Variants in PDE7B observed in about 807,000 individuals in gnomAD.
The protein encoded by PDE7B is 3',5'-cyclic-AMP phosphodiesterase 7B.
In PDE7B, 29 loss-of-function variants were observed where a neutral mutation model predicts 56.2. The ratio of observed to expected loss-of-function variants is 0.52; its 90% CI spans 0.38 to 0.70. PDE7B has a LOEUF of 0.70. Ranked by LOEUF, PDE7B falls within the 30% of genes least tolerant of loss-of-function variation. The probability of loss-of-function intolerance (pLI) is 0.00; values close to 1 mark genes in which losing one functional copy is unlikely to be tolerated. For synonymous variants in PDE7B, 197 were observed against 196.9 expected (o/e 1.00, Z 0.00); for missense variants, 490 against 565.0 (o/e 0.87, Z 1.35).
chr6:136,123,573 T>A (rs1347992959), intron 3 of PDE7B, among the ~76,000 whole-genome samples: 2 of 152,224 alleles, frequency 1.3e-5, no homozygotes, highest in Admixed American at 1.3e-4. Flanking sequence ...GTTGGTCAAA[T>A]GGTCTCTTCG....
At chr6:135,876,486 A>C (rs549397600) in intron 1 of PDE7B, among the ~76,000 whole-genome samples, 3 of 152,210 alleles carry the variant, frequency 2.0e-5, no homozygotes, top group Non-Finnish European at 4.4e-5. Flanking sequence ...GTGAAATTTC[A>C]GCCATGCTTT....
intron 2 of PDE7B, among the ~76,000 whole-genome samples, chr6:135,977,540 A>G (rs993189274): frequency 6.6e-6 from 1 of 152,190 alleles, no homozygotes; most frequent in Non-Finnish European, 1.5e-5. Context: ...AAGAGAAAGT[A>G]CAAGTGGAGT....
At chr6:136,160,476 C>G (rs574767778) in intron 8 of PDE7B, among the ~76,000 whole-genome samples, 1 of 152,240 alleles carries the variant, frequency 6.6e-6, no homozygotes, top group East Asian at 1.9e-4. Context: ...TCTGGCAAGT[C>G]ACTAAGAAAC....
At chr6:136,089,195 T>C (rs1232405428) in intron 2 of PDE7B, among the ~76,000 whole-genome samples, 3 of 152,176 alleles carry the variant, frequency 2.0e-5, no homozygotes, top group Non-Finnish European at 4.4e-5. Context: ...GAGCCTCTTC[T>C]AGACAAAAGG....
At chr6:135,954,094 G>T (rs1357177368) in intron 2 of PDE7B, among the ~76,000 whole-genome samples, 2 of 152,132 alleles carry the variant, frequency 1.3e-5, no homozygotes, top group African/African-American at 4.8e-5. Flanking sequence ...CTCACCCAAG[G>T]CCCTGTCTTG....
intron 8 of PDE7B, among the ~76,000 whole-genome samples, chr6:136,160,368 A>C (rs905698604): frequency 1.3e-5 from 2 of 152,072 alleles, no homozygotes; most frequent in Non-Finnish European, 2.9e-5. Flanking sequence ...TCTTTTTCTC[A>C]GTCTACCTTT....
chr6:136,000,816 G>A (rs1440753961), intron 2 of PDE7B, among the ~76,000 whole-genome samples: 1 of 152,224 alleles, frequency 6.6e-6, no homozygotes, highest in Non-Finnish European at 1.5e-5. Flanking sequence ...AGACTTAAAT[G>A]TCCCTGTCTG....
At chr6:135,945,559 T>C (rs1230653949) in intron 1 of PDE7B, among the ~76,000 whole-genome samples, 2 of 152,130 alleles carry the variant, frequency 1.3e-5, no homozygotes, top group Admixed American at 1.3e-4. Context: ...TCCTCTCAAC[T>C]TGCCCCTCTT....
At chr6:136,053,304 C>T (rs749487449) in intron 2 of PDE7B, among the ~76,000 whole-genome samples, 16 of 147,266 alleles carry the variant, frequency 1.1e-4, no homozygotes, top group African/African-American at 1.8e-4. Context: ...TTAGAACATG[C>T]GGTGTTTGGT....
Position 135,851,858 on chromosome 6 carries a change from C to CTTT in PDE7B, c.-130_-128dup, listed in dbSNP as rs60347338. 49 of 508,952 alleles carry CTTT rather than the reference C, an allele frequency of 9.6e-5. No individual in the cohort carries two copies. The highest frequency in any genetic ancestry group is 5.8e-4 in the African/African-American group (28 of 48,386). 31.5% of individuals were successfully genotyped at this position (508,952 alleles called of 1,614,324 possible). A position where few individuals can be genotyped will look rare whatever the true frequency, so the allele number is the denominator to read the frequency against. On this transcript the variant is annotated 5_prime_UTR_variant, in exon 1 of 13. Coordinates refer to ENST00000308191, the MANE Select transcript of PDE7B (RefSeq NM_018945.4). The stretch of plus-strand genomic sequence containing the variant: ...TTCTTTATTTCTTTTCCTTTTTTTT[C>CTTT]TTTTTTTTTTTTTGTTACTTAATTA...
At chr6:136,163,038 TGGA>T (rs995183493) in intron 8 of PDE7B, among the ~76,000 whole-genome samples, 18 of 152,112 alleles carry the variant, frequency 1.2e-4, no homozygotes, top group African/African-American at 4.1e-4. Flanking sequence ...AAGCTATAGG[TGGA>T]TCTACCATTC....
At chr6:136,124,850 G>T (rs1301367730) in intron 3 of PDE7B, among the ~76,000 whole-genome samples, 1 of 152,166 alleles carries the variant, frequency 6.6e-6, no homozygotes, top group Non-Finnish European at 1.5e-5. Flanking sequence ...ACAGCAGCTG[G>T]AGAGTTTGCC....
At chr6:135,935,563 G>A (rs889050860) in intron 1 of PDE7B, among the ~76,000 whole-genome samples, 1 of 152,012 alleles carries the variant, frequency 6.6e-6, no homozygotes, top group African/African-American at 2.4e-5. Flanking sequence ...ATGATGTGAT[G>A]GATATTGATC....
chr6:136,147,628 C>G, intron 4 of PDE7B, 126 bp downstream of exon 4: 3 of 661,084 alleles, frequency 4.5e-6, no homozygotes, highest in Non-Finnish European at 2.6e-6. Flanking sequence ...CTCATTATTC[C>G]ATACATCTGG....
chr6:135,919,217 G>A (rs561089021), intron 1 of PDE7B, among the ~76,000 whole-genome samples: 6 of 152,198 alleles, frequency 3.9e-5, no homozygotes, highest in South Asian at 2.1e-4. Context: ...GCTACCGAAC[G>A]CCTCCTTTTT....
chr6:135,987,506 G>T (rs1775403072), intron 2 of PDE7B, among the ~76,000 whole-genome samples: 1 of 152,100 alleles, frequency 6.6e-6, no homozygotes, highest in Non-Finnish European at 1.5e-5. Flanking sequence ...TATCTCAAAT[G>T]GAGGCCACCA....
At chr6:136,041,908 A>G (rs1472527288) in intron 2 of PDE7B, among the ~76,000 whole-genome samples, 2 of 152,326 alleles carry the variant, frequency 1.3e-5, no homozygotes, top group Admixed American at 1.3e-4. Context: ...TCGATTGCCC[A>G]ACTCTGGTCC....
chr6:135,885,765 G>T (rs990984415), intron 1 of PDE7B, among the ~76,000 whole-genome samples: 2 of 152,192 alleles, frequency 1.3e-5, no homozygotes, highest in Non-Finnish European at 2.9e-5. Context: ...GTGATGACTA[G>T]AAGAAAGAAC....
chr6:136,168,991 A>G (rs1034676005), intron 8 of PDE7B, among the ~76,000 whole-genome samples: 7 of 152,092 alleles, frequency 4.6e-5, no homozygotes, highest in African/African-American at 1.7e-4. Flanking sequence ...GCACAGAGAA[A>G]ATTCTTGGGA....
Sources: allele counts gnomAD v4.1 joint callset (sites outside exome capture counted in the v4.1 genomes callset), GRCh38; gene constraint gnomAD v4.1.1; transcripts MANE v1.5; gene names NCBI Gene and HGNC (gene_info 2026-07-23, HGNC 2026-07-21).